SCAPER: variants seen among roughly 807,000 people sequenced by gnomAD.
SCAPER encodes S phase cyclin A-associated protein in the endoplasmic reticulum.
Under a neutral mutation model 182.2 loss-of-function variants are expected in SCAPER, and 98 were observed. That is an observed-to-expected ratio of 0.54 (90% confidence interval 0.46 to 0.64). The LOEUF (loss-of-function observed/expected upper bound fraction) is 0.64. SCAPER is among the 30% of genes least tolerant of loss of function. The probability of loss-of-function intolerance (pLI) is 0.00; values close to 1 mark genes in which losing one functional copy is unlikely to be tolerated. For synonymous variants in SCAPER, 605 were observed against 564.6 expected (o/e 1.07, Z -1.01); for missense variants, 1,432 against 1,690.0 (o/e 0.85, Z 2.68).
chr15:76,486,156 G>A (rs1048386131), intron 24 of SCAPER, among the ~76,000 whole-genome samples: 12 of 151,996 alleles, frequency 7.9e-5, no homozygotes, highest in African/African-American at 2.7e-4. Context: ...GCAGTGAGCC[G>A]AGATCACGCC....
Position 76,574,346 on chromosome 15 carries a change from C to A in SCAPER, c.2712-62G>T. 1.9e-6 allele frequency: 3 copies of A among 1,541,492 alleles called. No homozygotes were observed. The South Asian group carries it at 3.6e-5, about 19-fold the overall frequency. On this transcript the variant is annotated intron_variant, in intron 22 of 31. Coordinates refer to ENST00000563290, the MANE Select transcript of SCAPER (RefSeq NM_020843.4). ...GAAACAGACTATAATCTTCATTTCC[C>A]AAAACACTTTGAAACACAAGTTACT... is the stretch of plus-strand genomic sequence containing the variant.
chr15:76,469,382 T>C (rs2049952619), intron 25 of SCAPER, among the ~76,000 whole-genome samples: 3 of 152,174 alleles, frequency 2.0e-5, no homozygotes, highest in Admixed American at 2.0e-4. Context: ...CAGTGTCCCT[T>C]ACTGTTAACA....
intron 29 of SCAPER, among the ~76,000 whole-genome samples, chr15:76,357,475 T>G (rs759122553): frequency 3.3e-4 from 51 of 152,304 alleles, no homozygotes; most frequent in Middle Eastern, 3.4e-3. Context: ...TTGGCGAGGA[T>G]ACAGAGAAAA....
intron 17 of SCAPER, among the ~76,000 whole-genome samples, chr15:76,712,914 A>C (rs2059669025): frequency 6.6e-6 from 1 of 151,756 alleles, no homozygotes; most frequent in African/African-American, 2.4e-5. Flanking sequence ...TCTTTTCCTA[A>C]TTGAATGCCC....
chr15:76,371,322 T>C (rs912921094), intron 29 of SCAPER, among the ~76,000 whole-genome samples: 4 of 150,254 alleles, frequency 2.7e-5, no homozygotes, highest in African/African-American at 9.7e-5. Context: ...TCTCTCTCTT[T>C]TTTTTTTTTT....
chr15:76,893,941 T>A lies in SCAPER; in HGVS notation c.-59-10065A>T, dbSNP rs191733269. ...GCAGTTCTAAGAGGCAAGTTTATAG[T>A]GACAAAAGCCTACATAAAGACAGAC... On this transcript the variant is annotated intron_variant, in intron 1 of 31. Coordinates refer to ENST00000563290, the MANE Select transcript of SCAPER (RefSeq NM_020843.4). 3.3e-5 allele frequency among the ~76,000 whole-genome samples: 5 copies of A among 152,190 alleles called. No homozygotes were observed. The East Asian group carries it at 5.8e-4, about 18-fold the overall frequency.
intron 2 of SCAPER, among the ~76,000 whole-genome samples, chr15:76,871,021 T>G (rs1436096771): frequency 6.6e-6 from 1 of 152,116 alleles, no homozygotes; most frequent in East Asian, 1.9e-4. Flanking sequence ...CAAGTGACAT[T>G]CTATAAGAAA....
chr15:76,768,952 G>A (rs955004853), intron 10 of SCAPER, among the ~76,000 whole-genome samples: 1 of 152,096 alleles, frequency 6.6e-6, no homozygotes, highest in Non-Finnish European at 1.5e-5. Context: ...AACAAACATT[G>A]TGTTACATGG....
intron 2 of SCAPER, among the ~76,000 whole-genome samples, chr15:76,864,821 C>T (rs1193619973): frequency 6.6e-6 from 1 of 151,896 alleles, no homozygotes; most frequent in Non-Finnish European, 1.5e-5. Context: ...TGGTAAGAAG[C>T]CAACTGTGAG....
chr15:76,506,702 A>G (rs2041614596), intron 23 of SCAPER, among the ~76,000 whole-genome samples: 1 of 152,162 alleles, frequency 6.6e-6, no homozygotes, highest in South Asian at 2.1e-4. Flanking sequence ...TGTAATCTTA[A>G]TTACCACCTA....
At chr15:76,682,882 A>G (rs944427308) in intron 20 of SCAPER, among the ~76,000 whole-genome samples, 15 of 152,150 alleles carry the variant, frequency 9.9e-5, no homozygotes, top group Admixed American at 9.2e-4. Flanking sequence ...AGGGCACCAA[A>G]TAAGATTAAA....
intron 22 of SCAPER, among the ~76,000 whole-genome samples, chr15:76,606,655 C>G (rs1163007162): frequency 6.6e-6 from 1 of 151,464 alleles, no homozygotes; most frequent in African/African-American, 2.4e-5. Flanking sequence ...GAGTCTAAGT[C>G]TCTTTGTAGG....
intron 25 of SCAPER, among the ~76,000 whole-genome samples, chr15:76,447,159 T>C (rs2048056247): frequency 6.6e-6 from 1 of 152,132 alleles, no homozygotes. Context: ...AAAAACCCAA[T>C]AGGATAGGGT....
chr15:76,684,809 T>A (rs1315366891), intron 20 of SCAPER, among the ~76,000 whole-genome samples: 2 of 151,880 alleles, frequency 1.3e-5, no homozygotes, highest in Non-Finnish European at 2.9e-5. Context: ...CAGGACCAGA[T>A]GAATTTTCAA....
chr15:76,450,127 G>A (rs1160911598), intron 25 of SCAPER, among the ~76,000 whole-genome samples: 3 of 152,164 alleles, frequency 2.0e-5, no homozygotes, highest in East Asian at 1.9e-4. Context: ...GTGCTACACT[G>A]TATCTTGAGA....
At chr15:76,650,099 T>C (rs940618242) in intron 21 of SCAPER, among the ~76,000 whole-genome samples, 32 of 152,148 alleles carry the variant, frequency 2.1e-4, no homozygotes, top group East Asian at 1.9e-4. Flanking sequence ...GGTTCTACAA[T>C]AGTAACTGAA....
chr15:76,376,548 G>A (rs955964516), intron 28 of SCAPER, among the ~76,000 whole-genome samples: 1 of 152,180 alleles, frequency 6.6e-6, no homozygotes, highest in Non-Finnish European at 1.5e-5. Context: ...GTACCACGTG[G>A]ATCAAGACAT....
chr15:76,627,419 A>G (rs559926081), intron 21 of SCAPER, among the ~76,000 whole-genome samples: 103 of 151,936 alleles, frequency 6.8e-4, no homozygotes, highest in Middle Eastern at 6.8e-3. Flanking sequence ...TGCGTTAGCT[A>G]TTTTTCCTAA....
intron 5 of SCAPER, among the ~76,000 whole-genome samples, chr15:76,817,295 A>T (rs2067163693): frequency 6.6e-6 from 1 of 152,228 alleles, no homozygotes; most frequent in South Asian, 2.1e-4. Context: ...ACATTGTGCT[A>T]TGTGAAATAA....
Sources: allele counts gnomAD v4.1 joint callset (sites outside exome capture counted in the v4.1 genomes callset), GRCh38; gene constraint gnomAD v4.1.1; transcripts MANE v1.5; gene names NCBI Gene and HGNC (gene_info 2026-07-23, HGNC 2026-07-21).